Variants in CYFIP1 observed in about 807,000 individuals in gnomAD.
CYFIP1 encodes cytoplasmic FMR1 interacting protein 1, also known as cytoplasmic FMR1-interacting protein 1.
Under a neutral mutation model 163.5 loss-of-function variants are expected in CYFIP1, and 58 were observed. The observed-to-expected ratio is 0.35, with a 90% CI of 0.29 to 0.44. The LOEUF (loss-of-function observed/expected upper bound fraction) is 0.44. Among genes scored for constraint, CYFIP1 ranks in the 20% least tolerant of loss-of-function variants. The pLI, the probability that CYFIP1 is intolerant of heterozygous loss-of-function variation, is 1.00. For missense variants in CYFIP1, 1,338 were observed against 1,653.8 expected (o/e 0.81, Z 3.31); for synonymous variants, 663 against 660.7 (o/e 1.00, Z -0.05).
Position 22,910,271 on chromosome 15 carries a change from T to G in CYFIP1, c.2268+249A>C, listed in dbSNP as rs575799139. 3.6e-4 allele frequency among the ~76,000 whole-genome samples: 55 copies of G among 152,202 alleles called. 1 individual carries two copies. The East Asian group carries it at 6.0e-3, about 17-fold the overall frequency. On this transcript the variant is annotated intron_variant, in intron 20 of 30. Coordinates refer to ENST00000617928, the MANE Select transcript of CYFIP1 (RefSeq NM_014608.6). ...CACTTCCCAGGTTCAGGCGATTCTCTTGCCTCAGCATCCCAGAGCGGCTGG... is the reference window on the plus strand; with the variant it reads ...CACTTCCCAGGTTCAGGCGATTCTCGTGCCTCAGCATCCCAGAGCGGCTGG...
At chr15:22,927,863 G>A (rs1489066981) in intron 12 of CYFIP1, 43 bp downstream of exon 12, 2 of 1,551,978 alleles carry the variant, frequency 1.3e-6, no homozygotes, top group East Asian at 2.4e-5. Flanking sequence ...TAAAGTGCCC[G>A]AGGCAGCTTT....
At chr15:22,902,684 CTGAG>C (rs1241851103) in intron 22 of CYFIP1, among the ~76,000 whole-genome samples, 29 of 152,190 alleles carry the variant, frequency 1.9e-4, no homozygotes, top group African/African-American at 7.0e-4. Context: ...TGGAGGCCCC[CTGAG>C]CTGAAAAGCC....
At chr15:22,968,944 T>G (rs564170495) in intron 1 of CYFIP1, among the ~76,000 whole-genome samples, 17 of 152,296 alleles carry the variant, frequency 1.1e-4, no homozygotes, top group African/African-American at 3.8e-4. Flanking sequence ...GCTGTGGGGC[T>G]ATGTGGTTCT....
intron 1 of CYFIP1, among the ~76,000 whole-genome samples, chr15:22,968,420 G>A (rs901345477): frequency 6.6e-6 from 1 of 152,140 alleles, no homozygotes. Context: ...TAAGAAAGAG[G>A]GAATCTTGCC....
intron 23 of CYFIP1, among the ~76,000 whole-genome samples, chr15:22,887,164 T>C (rs1277251575): frequency 6.6e-6 from 1 of 152,208 alleles, no homozygotes; most frequent in African/African-American, 2.4e-5. Context: ...TGGAATAAAC[T>C]GCAGCTGTAA....
chr15:22,867,308 TTGA>T lies in CYFIP1; in HGVS notation c.*2717_*2719del, dbSNP rs1184266959. 8 of 398,090 alleles carry T rather than the reference TTGA, an allele frequency of 2.0e-5. No individual in the cohort carries two copies. The highest frequency in any genetic ancestry group is 3.6e-5 in the East Asian group (1 of 27,996). 24.7% of individuals were successfully genotyped at this position (398,090 alleles called of 1,614,324 possible). ...ACCTACAAAAGTGGCTCCTGTTTGT[TTGA>T]TGATGATTGGTTTTATTTTTGAAAT... On this transcript the variant is annotated 3_prime_UTR_variant, in exon 31 of 31. Transcript: ENST00000617928.
At position 22,875,787 on chromosome 15, in the gene CYFIP1, C is replaced by T. The variant is rs2059565679; in HGVS notation, c.3043-516G>A. ...ACATCCACTCATTCCCTACAGAGCC[C>T]AAAACAAAGTTCTAGGCCATCATGC... On this transcript the variant is annotated intron_variant, in intron 26 of 30. Coordinates refer to ENST00000617928, the MANE Select transcript of CYFIP1 (RefSeq NM_014608.6). 6.7e-5 allele frequency among the ~76,000 whole-genome samples: 10 copies of T among 150,146 alleles called. No individual in the cohort carries two copies. In the South Asian group the frequency reaches 2.1e-3, roughly 32 times the overall value.
At chr15:22,969,341 G>A (rs867889899) in intron 1 of CYFIP1, among the ~76,000 whole-genome samples, 2 of 152,174 alleles carry the variant, frequency 1.3e-5, no homozygotes, top group Non-Finnish European at 2.9e-5. Context: ...AAATGCAGTC[G>A]TAATAAAGTT....
intron 23 of CYFIP1, among the ~76,000 whole-genome samples, chr15:22,886,335 A>C (rs552505228): frequency 6.6e-6 from 1 of 152,222 alleles, no homozygotes; most frequent in African/African-American, 2.4e-5. Flanking sequence ...ACACGGGTGC[A>C]GATAGCAGGA....
intron 1 of CYFIP1, among the ~76,000 whole-genome samples, chr15:22,967,757 A>C (rs928997531): frequency 6.6e-6 from 1 of 152,080 alleles, no homozygotes; most frequent in African/African-American, 2.4e-5. Flanking sequence ...AAATACAAGA[A>C]GGCCGGGCAT....
chr15:22,889,411 G>A (rs1453662451), intron 23 of CYFIP1, among the ~76,000 whole-genome samples: 1 of 152,178 alleles, frequency 6.6e-6, no homozygotes, highest in African/African-American at 2.4e-5. Context: ...CTTAATGGAA[G>A]CAACAGTGCC....
At chr15:22,883,339 G>A (rs559205902) in intron 23 of CYFIP1, among the ~76,000 whole-genome samples, 1 of 152,252 alleles carries the variant, frequency 6.6e-6, no homozygotes, top group Non-Finnish European at 1.5e-5. Flanking sequence ...CTCCCAGCAG[G>A]ATGCCCAAGG....
Position 22,931,139 on chromosome 15 carries a change from G to A in CYFIP1, c.1110+1084C>T, listed in dbSNP as rs1018113374. Among the ~76,000 whole-genome samples, 5 of 152,298 alleles carry A rather than the reference G, an allele frequency of 3.3e-5. No homozygotes were observed. The South Asian group carries it at 1.0e-3, about 32-fold the overall frequency. On this transcript the variant is annotated intron_variant, in intron 11 of 30. Transcript: ENST00000617928. ...GGGTGCTCATCGTCCTGCAGTGGGT[G>A]GGGCCAACATCCACAGAGTTGTCCC...
At chr15:22,925,868 C>A (rs1311805955) in intron 13 of CYFIP1, 114 bp downstream of exon 13, 2 of 1,457,640 alleles carry the variant, frequency 1.4e-6, no homozygotes, top group Non-Finnish European at 1.9e-6. Flanking sequence ...AAAGGGGTGC[C>A]CACACAGAAG....
intron 1 of CYFIP1, among the ~76,000 whole-genome samples, chr15:22,955,118 G>A (rs762466981): frequency 1.3e-5 from 2 of 152,234 alleles, no homozygotes; most frequent in Non-Finnish European, 2.9e-5. Flanking sequence ...GAAGGGCAGT[G>A]CCTACAGGGC....
chr15:22,878,482 C>T (rs2059648410), intron 26 of CYFIP1, among the ~76,000 whole-genome samples: 1 of 151,946 alleles, frequency 6.6e-6, no homozygotes, highest in African/African-American at 2.4e-5. Flanking sequence ...AATGGGTCTC[C>T]ACAGAGAGAA....
At chr15:22,980,136 G>A (rs1444269548) in intron 1 of CYFIP1, among the ~76,000 whole-genome samples, 151 bp downstream of exon 1, 1 of 128,560 alleles carries the variant, frequency 7.8e-6, no homozygotes, top group Non-Finnish European at 1.6e-5. Flanking sequence ...GATCCCGGAG[G>A]CCGCGCCGCC....
chr15:22,928,174 GGGA>G, intron 11 of CYFIP1, 146 bp from the exon 12 acceptor site: 9 of 995,474 alleles, frequency 9.0e-6, no homozygotes, highest in Non-Finnish European at 1.3e-5. Flanking sequence ...TCACAAGGTC[GGGA>G]GATCCAGACC....
At position 22,912,100 on chromosome 15, in the gene CYFIP1, G is replaced by T. The variant is rs55693319; in HGVS notation, c.2082+79C>A. 5.3e-3 allele frequency: 6,771 copies of T among 1,287,732 alleles called. 266 individuals carry two copies. The African/African-American group carries it at 0.088, about 17-fold the overall frequency. The allele number at this position is 1,287,732 out of a possible 1,614,324, so 79.8% of individuals were successfully genotyped here. A position where few individuals can be genotyped will look rare whatever the true frequency, so the allele number is the denominator to read the frequency against. On this transcript the variant is annotated intron_variant, in intron 18 of 30. Transcript: ENST00000617928. Reference sequence around the variant, plus strand: ...ACTGTCTTATATTTTAAAGAAAGTTGAATACTTGGGAGAAAACAAAAAGAG... The same window carrying T: ...ACTGTCTTATATTTTAAAGAAAGTTTAATACTTGGGAGAAAACAAAAAGAG...
Sources: allele counts gnomAD v4.1 joint callset (sites outside exome capture counted in the v4.1 genomes callset), GRCh38; gene constraint gnomAD v4.1.1; transcripts MANE v1.5; gene names NCBI Gene and HGNC (gene_info 2026-07-23, HGNC 2026-07-21).